MED12L: variants seen among roughly 807,000 people sequenced by gnomAD.
MED12L encodes mediator complex subunit 12L.
A neutral mutation model predicts 281.3 loss-of-function variants in MED12L; 60 were observed. That is an observed-to-expected ratio of 0.21 (90% confidence interval 0.17 to 0.26). The LOEUF (loss-of-function observed/expected upper bound fraction) is 0.26. Among genes scored for constraint, MED12L ranks in the 10% least tolerant of loss-of-function variants. The pLI is 1.00. For missense variants in MED12L, 2,146 were observed against 2,680.9 expected (o/e 0.80, Z 4.41); for synonymous variants, 974 against 987.2 (o/e 0.99, Z 0.25).
In MED12L at chr3:151,413,962, G is replaced by T. The variant is rs190298037; in HGVS notation, c.6297+667G>T. Among the ~76,000 whole-genome samples, 43 of 151,118 alleles carry T rather than the reference G, an allele frequency of 2.8e-4. No individual in the cohort carries two copies. The South Asian group carries it at 8.8e-3, about 31-fold the overall frequency. ...CCTCCCGGGTTCAAGTGATTCTCCT[G>T]CCTCAGCCTCCTGAGTAGCAGGGAT... On this transcript the variant is annotated intron_variant, in intron 42 of 44. Transcript: ENST00000687756.
At chr3:151,378,525 TTAAAA>T (rs1342013561) in intron 31 of MED12L, among the ~76,000 whole-genome samples, 2 of 151,886 alleles carry the variant, frequency 1.3e-5, no homozygotes, top group Admixed American at 6.5e-5. Context: ...ATATTTATGT[TTAAAA>T]TAAATATAAT....
intron 16 of MED12L, among the ~76,000 whole-genome samples, chr3:151,228,719 A>C (rs1026223245): frequency 6.6e-6 from 1 of 152,184 alleles, no homozygotes; most frequent in African/African-American, 2.4e-5. Context: ...ACACAATGCT[A>C]ATCTTTCATG....
chr3:151,114,171 T>G (rs1182267357), intron 2 of MED12L, among the ~76,000 whole-genome samples: 1 of 152,222 alleles, frequency 6.6e-6, no homozygotes, highest in Non-Finnish European at 1.5e-5. Context: ...GCTCTATATT[T>G]TCACATAATT....
chr3:151,109,801 T>C (rs151316601), intron 2 of MED12L, among the ~76,000 whole-genome samples: 1 of 152,352 alleles, frequency 6.6e-6, no homozygotes, highest in Admixed American at 6.5e-5. Flanking sequence ...ATTTTTTCTC[T>C]TACTTTCCAT....
At chr3:151,256,378 T>TTTACTC (rs1737819865) in intron 16 of MED12L, among the ~76,000 whole-genome samples, 2 of 152,196 alleles carry the variant, frequency 1.3e-5, no homozygotes, top group African/African-American at 4.8e-5. Context: ...TCATCTGTGC[T>TTTACTC]TTACTCTGTG....
chr3:151,363,304 T>A (rs1262248198), intron 21 of MED12L, among the ~76,000 whole-genome samples: 1 of 152,160 alleles, frequency 6.6e-6, no homozygotes, highest in Non-Finnish European at 1.5e-5. Flanking sequence ...AAACAAAAGC[T>A]GGATACACAG....
At chr3:151,203,689 A>G (rs1227842955) in intron 16 of MED12L, among the ~76,000 whole-genome samples, 5 of 152,088 alleles carry the variant, frequency 3.3e-5, no homozygotes, top group African/African-American at 1.2e-4. Context: ...ATCTTATTTT[A>G]TGTTCATTAT....
At chr3:151,159,677 C>T (rs1459625881) in intron 7 of MED12L, among the ~76,000 whole-genome samples, 155 bp from the exon 8 acceptor site, 4 of 152,072 alleles carry the variant, frequency 2.6e-5, no homozygotes, top group East Asian at 1.9e-4. Flanking sequence ...TAAAATTATA[C>T]GTGTGGCTCA....
chr3:151,299,288 G>A (rs1237218327), intron 16 of MED12L, among the ~76,000 whole-genome samples: 1 of 152,076 alleles, frequency 6.6e-6, no homozygotes, highest in Admixed American at 6.5e-5. Context: ...ATTATAGGGT[G>A]TCACTACCAG....
intron 16 of MED12L, among the ~76,000 whole-genome samples, chr3:151,324,301 T>C (rs1237374911): frequency 6.6e-6 from 1 of 152,164 alleles, no homozygotes; most frequent in East Asian, 1.9e-4. Flanking sequence ...GGTAAGGTCC[T>C]GGGAGGTTCT....
chr3:151,146,974 A>G (rs1717839446), intron 5 of MED12L, among the ~76,000 whole-genome samples: 1 of 152,224 alleles, frequency 6.6e-6, no homozygotes, highest in South Asian at 2.1e-4. Flanking sequence ...GCAGCCAATC[A>G]GTGCACTGAC....
chr3:151,110,930 G>A (rs1711777542), intron 2 of MED12L, among the ~76,000 whole-genome samples: 1 of 152,176 alleles, frequency 6.6e-6, no homozygotes, highest in Non-Finnish European at 1.5e-5. Context: ...ACTGGGCATG[G>A]AAACCCCGGT....
rs960632442 is a variant in MED12L, at chr3:151,192,670, G to A, written c.2073+16G>A. ...GGAATTTCCAGTAGGTTCAATCTTT[G>A]ATTCTTATTGACAATTAAGAATTAA... On this transcript the variant is annotated intron_variant, in intron 15 of 44. Coordinates refer to ENST00000687756, the MANE Select transcript of MED12L (RefSeq NM_001393769.1). 1.4e-6 allele frequency: 2 copies of A among 1,423,958 alleles called. No homozygotes were observed. Among genetic ancestry groups the A allele is most frequent in the Non-Finnish European group, 1.9e-6 (2 of 1,044,310 alleles). 88.2% of individuals were successfully genotyped at this position (1,423,958 alleles called of 1,614,324 possible).
intron 16 of MED12L, among the ~76,000 whole-genome samples, chr3:151,299,423 C>CCTCCT (rs1228678692): frequency 4.1e-5 from 4 of 98,212 alleles, no homozygotes. Flanking sequence ...CTCCCCTCCC[C>CCTCCT]CTCCTCTCCT....
intron 13 of MED12L, among the ~76,000 whole-genome samples, chr3:151,188,709 C>G (rs577185210): frequency 3.3e-5 from 5 of 152,282 alleles, no homozygotes; most frequent in African/African-American, 1.2e-4. Flanking sequence ...TCACCTCACT[C>G]CTTCATGTAA....
intron 17 of MED12L, 118 bp from the exon 18 acceptor site, chr3:151,355,003 T>G: frequency 1.4e-6 from 1 of 736,854 alleles, no homozygotes; most frequent in South Asian, 1.6e-5. Context: ...TTTATTGAAA[T>G]TCATAGAATT....
At chr3:151,247,771 AAG>A (rs1553757510) in intron 16 of MED12L, among the ~76,000 whole-genome samples, 37 of 151,254 alleles carry the variant, frequency 2.4e-4, no homozygotes, top group Middle Eastern at 6.8e-3. Context: ...TAAAAAAAAA[AAG>A]CAAAAAAAAA....
chr3:151,232,307 C>A (rs748187713), intron 16 of MED12L, among the ~76,000 whole-genome samples: 1 of 152,212 alleles, frequency 6.6e-6, no homozygotes, highest in Non-Finnish European at 1.5e-5. Flanking sequence ...ACCCTCCCAC[C>A]AATGTGTGGA....
At chr3:151,242,193 G>A (rs1344122651) in intron 16 of MED12L, among the ~76,000 whole-genome samples, 1 of 152,232 alleles carries the variant, frequency 6.6e-6, no homozygotes, top group Non-Finnish European at 1.5e-5. Context: ...AACACGGCTG[G>A]GGGAGGGGCG....
Sources: allele counts gnomAD v4.1 joint callset (sites outside exome capture counted in the v4.1 genomes callset), GRCh38; gene constraint gnomAD v4.1.1; transcripts MANE v1.5; gene names NCBI Gene and HGNC (gene_info 2026-07-23, HGNC 2026-07-21).